ADAM2: variants seen among roughly 807,000 people sequenced by gnomAD.
ADAM2 encodes the protein ADAM metallopeptidase domain 2.
ADAM2 carries 101 observed loss-of-function variants against 99.3 expected under a neutral mutation model. The ratio of observed to expected loss-of-function variants is 1.02; its 90% confidence interval spans 0.87 to 1.20. The LOEUF is 1.20. Among genes scored for constraint, ADAM2 ranks in the 50% most tolerant of loss-of-function variants. The probability of loss-of-function intolerance (pLI) is 0.00; values close to 1 mark genes in which losing one functional copy is unlikely to be tolerated. For synonymous variants in ADAM2, 323 were observed against 287.6 expected (o/e 1.12, Z -1.25); for missense variants, 948 against 878.7 (o/e 1.08, Z -1.00).
At position 39,803,743 on chromosome 8, in the gene ADAM2, T is replaced by C. The variant is rs538651425; in HGVS notation, c.570+5667A>G. 2.7e-4 allele frequency among the ~76,000 whole-genome samples: 41 copies of C among 152,284 alleles called. 1 individual carries two copies. In the East Asian group the frequency reaches 7.5e-3, roughly 28 times the overall value. On this transcript the variant is annotated intron_variant, in intron 7 of 20. Transcript: ENST00000265708. The stretch of plus-strand genomic sequence containing the variant: ...AAATAAGACTAGACTGAAAAGATAT[T>C]TGGAGTGGTACTGGGATTAGTAAAT...
intron 14 of ADAM2, among the ~76,000 whole-genome samples, chr8:39,763,701 G>A (rs749994429): frequency 6.6e-6 from 1 of 152,222 alleles, no homozygotes; most frequent in Non-Finnish European, 1.5e-5. Context: ...CTATCAGAGC[G>A]TACTTTGCTT....
intron 2 of ADAM2, among the ~76,000 whole-genome samples, chr8:39,836,267 C>A (rs1362202316): frequency 6.6e-6 from 1 of 151,980 alleles, no homozygotes; most frequent in African/African-American, 2.4e-5. Context: ...GTTTGAAATA[C>A]TTCTCTCCAA....
intron 6 of ADAM2, 143 bp from the exon 7 acceptor site, chr8:39,809,609 A>G (rs556533084): frequency 1.7e-5 from 9 of 515,610 alleles, no homozygotes; most frequent in Non-Finnish European, 2.4e-5. Flanking sequence ...GCAACACTAG[A>G]TATCATAAAA....
intron 6 of ADAM2, among the ~76,000 whole-genome samples, chr8:39,816,024 G>T (rs1395419421): frequency 6.6e-6 from 1 of 152,026 alleles, no homozygotes. Flanking sequence ...GGTCAGGCAC[G>T]GTGGCTCACA....
intron 15 of ADAM2, among the ~76,000 whole-genome samples, chr8:39,756,140 C>T (rs1032101564): frequency 6.6e-6 from 1 of 152,042 alleles, no homozygotes; most frequent in South Asian, 2.1e-4. Context: ...GTGGTTTTTG[C>T]CACTTTTTTA....
chr8:39,830,924 G>A (rs988099410), intron 3 of ADAM2, among the ~76,000 whole-genome samples: 5 of 152,094 alleles, frequency 3.3e-5, no homozygotes, highest in African/African-American at 1.2e-4. Flanking sequence ...CTTATGAATG[G>A]GATTAGTGTC....
At chr8:39,792,449 A>T (rs1047137576) in intron 7 of ADAM2, among the ~76,000 whole-genome samples, 2 of 152,034 alleles carry the variant, frequency 1.3e-5, no homozygotes, top group Non-Finnish European at 2.9e-5. Context: ...ATTATTTACA[A>T]AAGACTGTAA....
intron 3 of ADAM2, among the ~76,000 whole-genome samples, chr8:39,832,574 G>A (rs1202326080): frequency 6.6e-6 from 1 of 152,060 alleles, no homozygotes; most frequent in Non-Finnish European, 1.5e-5. Flanking sequence ...TGTTTGATTT[G>A]TAATATTCTA....
chr8:39,770,141 G>T (rs180900359), intron 11 of ADAM2, among the ~76,000 whole-genome samples: 13 of 152,034 alleles, frequency 8.6e-5, no homozygotes, highest in African/African-American at 2.9e-4. Flanking sequence ...TAGAGATGGG[G>T]TTTCACCATG....
chr8:39,837,381 G>GTTTTT (rs112475501), intron 1 of ADAM2, among the ~76,000 whole-genome samples, 169 bp from the exon 2 acceptor site: 1 of 142,438 alleles, frequency 7.0e-6, no homozygotes, highest in African/African-American at 2.6e-5. Flanking sequence ...CTGTTTTTCT[G>GTTTTT]TTTTTTTTTT....
chr8:39,773,264 G>A (rs895666315), intron 11 of ADAM2, among the ~76,000 whole-genome samples: 16 of 151,722 alleles, frequency 1.1e-4, no homozygotes, highest in African/African-American at 3.1e-4. Context: ...TATCAAAAAC[G>A]TGTGGTGTGT....
intron 7 of ADAM2, among the ~76,000 whole-genome samples, chr8:39,791,081 G>T (rs774558768): frequency 6.6e-6 from 1 of 151,494 alleles, no homozygotes; most frequent in Non-Finnish European, 1.5e-5. Context: ...AGGATGTAAG[G>T]CCTCGAATGG....
At chr8:39,780,194 G>C (rs528426072) in intron 10 of ADAM2, among the ~76,000 whole-genome samples, 1 of 151,976 alleles carries the variant, frequency 6.6e-6, no homozygotes, top group Non-Finnish European at 1.5e-5. Flanking sequence ...AAAGCATCAG[G>C]TCTCATAAGA....
chr8:39,751,307 T>A (rs1563334055), intron 16 of ADAM2, among the ~76,000 whole-genome samples: 1 of 152,306 alleles, frequency 6.6e-6, no homozygotes, highest in East Asian at 1.9e-4. Context: ...ACAATTTAAA[T>A]ACAGTAGTTA....
chr8:39,806,810 A>G (rs961552216), intron 7 of ADAM2, among the ~76,000 whole-genome samples: 4 of 152,180 alleles, frequency 2.6e-5, no homozygotes, highest in Non-Finnish European at 4.4e-5. Flanking sequence ...TGGCTGCACA[A>G]TCATTTGACA....
chr8:39,824,759 T>C, intron 4 of ADAM2, 60 bp downstream of exon 4: 1 of 887,222 alleles, frequency 1.1e-6, no homozygotes, highest in Non-Finnish European at 1.9e-6. Flanking sequence ...ATGTGGACAC[T>C]AAATAAGGTG....
Position 39,761,193 on chromosome 8 carries a change from G to A in ADAM2, c.1596C>T (p.Tyr532=). The change falls in exon 15 of 21, where the codon TAC becomes TAT. Residue 532 remains tyrosine (Y), a synonymous_variant. Coordinates refer to ENST00000265708, the MANE Select transcript of ADAM2 (RefSeq NM_001464.5). ...AAACATACTCAGCTTCACACTGTGTGTATCCTGAATCACTTATACCACAGT... is the reference window on the plus strand; with the variant it reads ...AAACATACTCAGCTTCACACTGTGTATATCCTGAATCACTTATACCACAGT... ...SGNCGISDSG[Y]TQCEADNLQC... 6.3e-7 allele frequency: 1 copy of A among 1,595,470 alleles called. No individual in the cohort carries two copies. Among genetic ancestry groups the A allele is most frequent in the Non-Finnish European group, 8.6e-7 (1 of 1,168,926 alleles).
intron 7 of ADAM2, among the ~76,000 whole-genome samples, chr8:39,798,235 G>A (rs991398726): frequency 1.2e-4 from 19 of 152,148 alleles, no homozygotes; most frequent in African/African-American, 4.6e-4. Flanking sequence ...TTTATTGAGG[G>A]TTTTTAACAT....
intron 14 of ADAM2, among the ~76,000 whole-genome samples, chr8:39,762,810 T>C (rs1802421315): frequency 6.6e-6 from 1 of 152,232 alleles, no homozygotes; most frequent in African/African-American, 2.4e-5. Flanking sequence ...GATCAGCCAA[T>C]TATTTGCATA....
Sources: allele counts gnomAD v4.1 joint callset (sites outside exome capture counted in the v4.1 genomes callset), GRCh38; gene constraint gnomAD v4.1.1; transcripts MANE v1.5; gene names NCBI Gene and HGNC (gene_info 2026-07-23, HGNC 2026-07-21).